The following CNTNAP2 variants were observed in gnomAD, a reference collection of about 807,000 sequenced individuals.
CNTNAP2 encodes contactin associated protein 2, also known as contactin-associated protein-like 2.
In CNTNAP2, 98 loss-of-function variants were observed where a neutral mutation model predicts 155.2. The observed-to-expected ratio is 0.63, with a 90% confidence interval of 0.54 to 0.75. The LOEUF is 0.75. Ranked by LOEUF, CNTNAP2 falls within the 30% of genes least tolerant of loss-of-function variation. CNTNAP2 has a pLI of 0.00. For synonymous variants in CNTNAP2, 651 were observed against 631.2 expected (o/e 1.03, Z -0.47); for missense variants, 1,727 against 1,688.1 (o/e 1.02, Z -0.40).
At chr7:147,958,821 A>C (rs537872064) in intron 14 of CNTNAP2, among the ~76,000 whole-genome samples, 1 of 152,152 alleles carries the variant, frequency 6.6e-6, no homozygotes, top group Admixed American at 6.5e-5. Flanking sequence ...CTCCCAACTC[A>C]TCAGTTTGCC....
intron 21 of CNTNAP2, among the ~76,000 whole-genome samples, chr7:148,335,476 C>T (rs756391099): frequency 1.3e-5 from 2 of 152,156 alleles, no homozygotes; most frequent in Non-Finnish European, 2.9e-5. Context: ...AACTGATTAA[C>T]GCAGCTGTGA....
chr7:147,801,681 A>T (rs370626801), intron 13 of CNTNAP2, among the ~76,000 whole-genome samples: 6 of 152,204 alleles, frequency 3.9e-5, no homozygotes, highest in Non-Finnish European at 7.3e-5. Context: ...AGAAGAATTT[A>T]TCTTAGTACA....
intron 1 of CNTNAP2, among the ~76,000 whole-genome samples, chr7:146,480,927 G>A (rs1293865040): frequency 2.6e-5 from 4 of 151,710 alleles, no homozygotes; most frequent in African/African-American, 4.8e-5. Flanking sequence ...TGATCCGCCC[G>A]CCTCGGCCTC....
At chr7:146,315,231 C>T (rs1015185079) in intron 1 of CNTNAP2, among the ~76,000 whole-genome samples, 6 of 152,152 alleles carry the variant, frequency 3.9e-5, no homozygotes, top group Admixed American at 2.6e-4. Context: ...CCCTCAGAGG[C>T]AGTTCAAATT....
At chr7:146,790,652 C>T (rs1387358474) in intron 2 of CNTNAP2, among the ~76,000 whole-genome samples, 1 of 151,186 alleles carries the variant, frequency 6.6e-6, no homozygotes, top group Non-Finnish European at 1.5e-5. Flanking sequence ...TCACTGCAAG[C>T]TCCGCCTCCC....
chr7:148,045,801 A>T (rs1316679705), intron 15 of CNTNAP2, among the ~76,000 whole-genome samples: 1 of 152,218 alleles, frequency 6.6e-6, no homozygotes, highest in East Asian at 1.9e-4. Flanking sequence ...CAGCCATATC[A>T]AACAACCCAA....
intron 8 of CNTNAP2, among the ~76,000 whole-genome samples, chr7:147,235,066 A>G (rs562979313): frequency 2.7e-3 from 407 of 152,266 alleles, no homozygotes; most frequent in African/African-American, 9.2e-3. Context: ...GTAAAGCAGA[A>G]GGGGCTCCCC....
intron 15 of CNTNAP2, among the ~76,000 whole-genome samples, chr7:148,039,671 G>A (rs1479582476): frequency 6.6e-6 from 1 of 152,154 alleles, no homozygotes; most frequent in Non-Finnish European, 1.5e-5. Context: ...GAGAAGTGGG[G>A]ACATGGTAAA....
chr7:146,590,931 A>AT (rs1281184556), intron 1 of CNTNAP2, among the ~76,000 whole-genome samples: 4 of 152,034 alleles, frequency 2.6e-5, no homozygotes, highest in African/African-American at 7.2e-5. Context: ...GGTATGTTAG[A>AT]TTTTTTTACT....
chr7:147,509,044 C>T (rs753254637), intron 11 of CNTNAP2, among the ~76,000 whole-genome samples: 10 of 152,138 alleles, frequency 6.6e-5, no homozygotes, highest in Non-Finnish European at 1.3e-4. Flanking sequence ...TATAGTTTAA[C>T]CTTTACCCAG....
chr7:148,284,769 A>C (rs1797052302), intron 21 of CNTNAP2, among the ~76,000 whole-genome samples: 1 of 152,304 alleles, frequency 6.6e-6, no homozygotes, highest in African/African-American at 2.4e-5. Context: ...ACGACCTGGA[A>C]TTTAAACTTT....
At chr7:147,571,516 T>C (rs1381245276) in intron 12 of CNTNAP2, among the ~76,000 whole-genome samples, 2 of 152,046 alleles carry the variant, frequency 1.3e-5, no homozygotes, top group African/African-American at 4.8e-5. Context: ...CAACATCTAG[T>C]TAATTTTTCA....
chr7:147,563,819 T>C (rs1209506597), intron 12 of CNTNAP2, among the ~76,000 whole-genome samples: 1 of 151,942 alleles, frequency 6.6e-6, no homozygotes, highest in Non-Finnish European at 1.5e-5. Flanking sequence ...TCATTATGTG[T>C]GAAGTGGAAA....
intron 1 of CNTNAP2, among the ~76,000 whole-genome samples, chr7:146,394,939 G>T (rs1416000959): frequency 6.6e-6 from 1 of 152,042 alleles, no homozygotes; most frequent in Non-Finnish European, 1.5e-5. Flanking sequence ...CACTCTCGAT[G>T]ATCATGTGTA....
chr7:147,818,568 T>C (rs1798312008), intron 13 of CNTNAP2, among the ~76,000 whole-genome samples: 1 of 152,170 alleles, frequency 6.6e-6, no homozygotes. Context: ...TGTTGGGAGA[T>C]GCAGACAGCA....
chr7:148,295,577 C>T (rs997427262), intron 21 of CNTNAP2, among the ~76,000 whole-genome samples: 8 of 143,164 alleles, frequency 5.6e-5, no homozygotes, highest in Non-Finnish European at 4.6e-5. Flanking sequence ...CTGCAAGCTC[C>T]GCCTCCCGGG....
chr7:147,563,695 A>G (rs1584816404), intron 12 of CNTNAP2, among the ~76,000 whole-genome samples: 1 of 152,164 alleles, frequency 6.6e-6, no homozygotes, highest in Non-Finnish European at 1.5e-5. Flanking sequence ...AAACTGAATT[A>G]TATGCAGCCC....
At chr7:146,789,905 G>A (rs547543758) in intron 2 of CNTNAP2, among the ~76,000 whole-genome samples, 26 of 150,272 alleles carry the variant, frequency 1.7e-4, no homozygotes, top group Non-Finnish European at 2.4e-4. Flanking sequence ...TAGATATGCC[G>A]TAAGTGGATC....
intron 2 of CNTNAP2, among the ~76,000 whole-genome samples, chr7:146,780,709 C>A (rs910031740): frequency 7.9e-5 from 12 of 152,006 alleles, no homozygotes; most frequent in Admixed American, 4.6e-4. Context: ...AGAATAAGTT[C>A]ATGTCCTTTG....
Sources: allele counts gnomAD v4.1 joint callset (sites outside exome capture counted in the v4.1 genomes callset), GRCh38; gene constraint gnomAD v4.1.1; transcripts MANE v1.5; gene names NCBI Gene and HGNC (gene_info 2026-07-23, HGNC 2026-07-21).